CAMTA1: variants seen among roughly 807,000 people sequenced by gnomAD.
CAMTA1 encodes calmodulin-binding transcription activator 1.
Under a neutral mutation model 170.9 loss-of-function variants are expected in CAMTA1, and 27 were observed. The observed-to-expected ratio is 0.16, with a 90% CI of 0.12 to 0.22. The LOEUF (loss-of-function observed/expected upper bound fraction) is 0.22. CAMTA1 is among the 10% of genes least tolerant of loss of function. The pLI is 1.00. For synonymous variants in CAMTA1, 833 were observed against 891.5 expected, an observed-to-expected ratio of 0.93 and a Z score of 1.17; for missense variants, 1,619 against 2,217.2, an observed-to-expected ratio of 0.73 and a Z score of 5.42.
chr1:7,016,014 C>A (rs1368786544), intron 3 of CAMTA1, among the ~76,000 whole-genome samples: 2 of 152,210 alleles, frequency 1.3e-5, no homozygotes, highest in Non-Finnish European at 2.9e-5. Context: ...TCAGTCACCT[C>A]CCCCAGGCTC....
chr1:7,541,093 C>T (rs565896067), intron 6 of CAMTA1, among the ~76,000 whole-genome samples: 20 of 152,366 alleles, frequency 1.3e-4, no homozygotes, highest in African/African-American at 4.6e-4. Flanking sequence ...TTCCTCGAGG[C>T]TCCAGCTGTA....
At chr1:7,507,738 G>A (rs937560674) in intron 6 of CAMTA1, among the ~76,000 whole-genome samples, 1 of 152,168 alleles carries the variant, frequency 6.6e-6, no homozygotes, top group Admixed American at 6.5e-5. Context: ...TGGGGCCCAC[G>A]GGCCACGTCC....
chr1:6,798,864 C>T (rs951619924), intron 1 of CAMTA1, among the ~76,000 whole-genome samples: 53 of 151,750 alleles, frequency 3.5e-4, no homozygotes, highest in East Asian at 1.9e-4. Context: ...CCAAAGTGCT[C>T]GGATTACAGA....
chr1:7,499,351 T>A (rs538465805), intron 6 of CAMTA1, among the ~76,000 whole-genome samples: 1 of 147,108 alleles, frequency 6.8e-6, no homozygotes, highest in Admixed American at 6.7e-5. Context: ...GAGGATTGTG[T>A]GAGCCTGGTG....
intron 5 of CAMTA1, among the ~76,000 whole-genome samples, chr1:7,384,469 C>T (rs769785377): frequency 2.6e-5 from 4 of 152,142 alleles, no homozygotes; most frequent in Admixed American, 6.5e-5. Context: ...TGATATGAGT[C>T]GATGTGTGGG....
In CAMTA1 at chr1:7,766,633, C is replaced by A; in HGVS notation, c.*142C>A. 1 of 708,766 alleles carries A rather than the reference C, an allele frequency of 1.4e-6. No homozygotes were observed. Among genetic ancestry groups the A allele is most frequent in the Non-Finnish European group, 2.4e-6 (1 of 413,306 alleles). 43.9% of individuals were successfully genotyped at this position (708,766 alleles called of 1,614,324 possible). A position where few individuals can be genotyped will look rare whatever the true frequency, so the allele number is the denominator to read the frequency against. ...TACACACACATACAAAATCCCTCTGCAGTTTTGGGGAGATCAGCTGCAGGA... is the reference window on the plus strand; with the variant it reads ...TACACACACATACAAAATCCCTCTGAAGTTTTGGGGAGATCAGCTGCAGGA... On this transcript the variant is annotated 3_prime_UTR_variant, in exon 23 of 23. Coordinates refer to ENST00000303635, the MANE Select transcript of CAMTA1 (RefSeq NM_015215.4).
chr1:7,168,196 C>T (rs2148811006), intron 4 of CAMTA1, among the ~76,000 whole-genome samples: 1 of 151,990 alleles, frequency 6.6e-6, no homozygotes, highest in South Asian at 2.1e-4. Flanking sequence ...GTATGTTGAC[C>T]TTATGTTAGG....
chr1:6,976,804 A>G (rs1693509364), intron 3 of CAMTA1, among the ~76,000 whole-genome samples: 1 of 152,208 alleles, frequency 6.6e-6, no homozygotes, highest in African/African-American at 2.4e-5. Flanking sequence ...CTTGAATTGT[A>G]ACTCCCATAA....
At chr1:7,576,506 G>A (rs572639990) in intron 6 of CAMTA1, among the ~76,000 whole-genome samples, 11 of 152,256 alleles carry the variant, frequency 7.2e-5, no homozygotes, top group South Asian at 2.1e-4. Context: ...ACCTTCCACC[G>A]TGTGAGGACG....
intron 5 of CAMTA1, among the ~76,000 whole-genome samples, chr1:7,423,534 C>G (rs915588903): frequency 2.0e-5 from 3 of 151,816 alleles, no homozygotes; most frequent in Non-Finnish European, 2.9e-5. Flanking sequence ...TGTACCCAGC[C>G]TCCCCCCGCC....
intron 5 of CAMTA1, among the ~76,000 whole-genome samples, chr1:7,346,655 G>C (rs150794779): frequency 1.3e-5 from 2 of 152,132 alleles, no homozygotes; most frequent in African/African-American, 2.4e-5. Context: ...TTAAGTTTGC[G>C]CCTCCAGAAG....
At chr1:7,103,035 A>G (rs924626095) in intron 4 of CAMTA1, among the ~76,000 whole-genome samples, 1 of 150,354 alleles carries the variant, frequency 6.7e-6, no homozygotes, top group African/African-American at 2.5e-5. Flanking sequence ...GAGTGCTACA[A>G]GGGTCAAGTG....
intron 3 of CAMTA1, among the ~76,000 whole-genome samples, chr1:6,979,031 GAC>G (rs1693967823): frequency 6.6e-6 from 1 of 152,222 alleles, no homozygotes; most frequent in Non-Finnish European, 1.5e-5. Flanking sequence ...TCTGAACAAA[GAC>G]ACAGAGGAGA....
chr1:7,230,269 C>T (rs918044752), intron 4 of CAMTA1, among the ~76,000 whole-genome samples: 1 of 152,092 alleles, frequency 6.6e-6, no homozygotes, highest in African/African-American at 2.4e-5. Flanking sequence ...TTTGAGAGAG[C>T]TCTGGGAAGC....
intron 7 of CAMTA1, among the ~76,000 whole-genome samples, chr1:7,650,365 A>G (rs2095840786): frequency 6.6e-6 from 1 of 152,178 alleles, no homozygotes; most frequent in Non-Finnish European, 1.5e-5. Context: ...GGGGTAAAGG[A>G]CATGCCACCC....
At chr1:7,548,455 G>A (rs922281573) in intron 6 of CAMTA1, among the ~76,000 whole-genome samples, 1 of 150,844 alleles carries the variant, frequency 6.6e-6, no homozygotes, top group Non-Finnish European at 1.5e-5. Flanking sequence ...CTGGTGGAGG[G>A]TGCCCCCTTA....
chr1:6,837,913 G>A (rs1653941610), intron 3 of CAMTA1, among the ~76,000 whole-genome samples: 1 of 152,108 alleles, frequency 6.6e-6, no homozygotes, highest in Non-Finnish European at 1.5e-5. Context: ...TTTGGAATTA[G>A]CATTTGTCAT....
At chr1:7,370,961 G>C (rs1332397867) in intron 5 of CAMTA1, among the ~76,000 whole-genome samples, 1 of 119,466 alleles carries the variant, frequency 8.4e-6, no homozygotes, top group Non-Finnish European at 1.6e-5. Flanking sequence ...GCCCAGGCTG[G>C]AGTGCAGTGG....
chr1:6,873,515 G>GGA (rs1332491302), intron 3 of CAMTA1, among the ~76,000 whole-genome samples: 1 of 152,210 alleles, frequency 6.6e-6, no homozygotes, highest in Non-Finnish European at 1.5e-5. Flanking sequence ...ATGGTCCCCA[G>GGA]GAGAGTCACA....
Sources: gnomAD v4.1 joint callset for allele counts (sites outside exome capture counted in the v4.1 genomes callset) on GRCh38, gnomAD v4.1.1 for gene constraint, MANE v1.5 for transcripts, NCBI Gene and HGNC (gene_info 2026-07-23, HGNC 2026-07-21) for gene names.